ACLY: variants seen among roughly 807,000 people sequenced by gnomAD.
The protein encoded by ACLY is ATP-citrate synthase.
In ACLY, 41 loss-of-function variants were observed where a neutral mutation model predicts 133.0. That is an observed-to-expected ratio of 0.31 (90% CI 0.24 to 0.40). The LOEUF (loss-of-function observed/expected upper bound fraction) is 0.40. Among genes scored for constraint, ACLY ranks in the 10% least tolerant of loss-of-function variants. The probability of loss-of-function intolerance (pLI) is 1.00; values close to 1 mark genes in which losing one functional copy is unlikely to be tolerated. For synonymous variants in ACLY, 495 were observed against 549.3 expected, an observed-to-expected ratio of 0.90 and a Z score of 1.38; for missense variants, 1,046 against 1,453.8, an observed-to-expected ratio of 0.72 and a Z score of 4.56.
chr17:41,923,383 T>C (rs768962163), upstream of ACLY, among the ~76,000 whole-genome samples: 1 of 152,148 alleles, frequency 6.6e-6, no homozygotes, highest in Non-Finnish European at 1.5e-5. Context: ...CCAATTTTAG[T>C]TAATATTTAT....
intron 25 of ACLY, 42 bp downstream of exon 25, chr17:41,871,647 G>A (rs1471308755): frequency 8.1e-6 from 13 of 1,611,514 alleles, no homozygotes; most frequent in African/African-American, 4.0e-5. Flanking sequence ...GGGCCACCGC[G>A]CCTGGCCTCC....
At chr17:41,895,173 C>T (rs146040126) in intron 14 of ACLY, among the ~76,000 whole-genome samples, 22 of 152,282 alleles carry the variant, frequency 1.4e-4, no homozygotes, top group African/African-American at 5.3e-4. Context: ...CAGGATTACA[C>T]AATCACTTAA....
chr17:41,879,844 T>G (rs782404113), intron 20 of ACLY, among the ~76,000 whole-genome samples: 2 of 151,286 alleles, frequency 1.3e-5, no homozygotes, highest in Non-Finnish European at 2.9e-5. Flanking sequence ...TCCTCCCGTG[T>G]AGCTGGGACT....
chr17:41,907,395 C>T, intron 7 of ACLY, 47 bp downstream of exon 7: 1 of 1,579,722 alleles, frequency 6.3e-7, no homozygotes, highest in Non-Finnish European at 8.7e-7. Flanking sequence ...AGTCACCTCC[C>T]CACCGCCCTC....
chr17:41,895,029 C>T (rs1270784597), intron 14 of ACLY, among the ~76,000 whole-genome samples: 1 of 152,186 alleles, frequency 6.6e-6, no homozygotes, highest in South Asian at 2.1e-4. Context: ...ACCTAGACCC[C>T]CCGGGTTCTG....
intron 6 of ACLY, among the ~76,000 whole-genome samples, chr17:41,908,439 G>A (rs979751251): frequency 9.9e-5 from 15 of 152,244 alleles, no homozygotes; most frequent in African/African-American, 3.4e-4. Context: ...CTGACCTGGC[G>A]GGAGGAGCAG....
intron 14 of ACLY, among the ~76,000 whole-genome samples, chr17:41,894,495 G>C (rs1555630000): frequency 6.6e-6 from 1 of 151,028 alleles, no homozygotes; most frequent in African/African-American, 2.4e-5. Context: ...ACTGAGATGG[G>C]AGGATCACTT....
chr17:41,927,600 T>C (rs936200091), intron 1 of ACLY, among the ~76,000 whole-genome samples: 16 of 151,956 alleles, frequency 1.1e-4, no homozygotes, highest in Non-Finnish European at 1.8e-4. Context: ...CTAAGGTGGG[T>C]GGATTACCTG....
At chr17:41,869,020 AAG>A in intron 27 of ACLY, 21 bp downstream of exon 27, 1 of 1,586,760 alleles carries the variant, frequency 6.3e-7, no homozygotes, top group Non-Finnish European at 8.6e-7. Context: ...CGTAATGAAG[AAG>A]AAAACAGCTA....
chr17:41,877,463 A>T lies in ACLY; in HGVS notation c.2487+640T>A, dbSNP rs543108323. Among the ~76,000 whole-genome samples the T allele has an allele frequency of 4.5e-3, 538 of 118,782 alleles. 3 individuals are homozygous for T. Among genetic ancestry groups the T allele is most frequent in the African/African-American group, 0.014 (457 of 32,846 alleles). The allele number at this position is 118,782 out of a possible 152,430, so 77.9% of individuals were successfully genotyped here. ...CAGCCCTTTTTTTTTTTTTTTTTTTAAATTACAGACAGGGTCTCACTCTGT... is the reference window on the plus strand; with the variant it reads ...CAGCCCTTTTTTTTTTTTTTTTTTTTAATTACAGACAGGGTCTCACTCTGT... On this transcript the variant is annotated intron_variant, in intron 22 of 28. Coordinates refer to ENST00000352035, the MANE Select transcript of ACLY (RefSeq NM_001096.3).
chr17:41,894,587 T>C (rs1017462607), intron 14 of ACLY, among the ~76,000 whole-genome samples: 16 of 151,020 alleles, frequency 1.1e-4, no homozygotes, highest in African/African-American at 3.9e-4. Flanking sequence ...AAACCTTCCA[T>C]GATGCGATTA....
chr17:41,906,468 C>T, intron 8 of ACLY, 60 bp downstream of exon 8: 1 of 1,468,804 alleles, frequency 6.8e-7, no homozygotes, highest in South Asian at 1.1e-5. Flanking sequence ...ACCCAGGCTA[C>T]ACACATGTTG....
At chr17:41,883,293 C>G in intron 19 of ACLY, 61 bp from the exon 20 acceptor site, 2 of 1,436,796 alleles carry the variant, frequency 1.4e-6, no homozygotes, top group Non-Finnish European at 1.9e-6. Flanking sequence ...GACGTAAAAA[C>G]TGGATAGAAA....
At chr17:41,884,380 G>A in intron 18 of ACLY, 106 bp from the exon 19 acceptor site, 1 of 744,186 alleles carries the variant, frequency 1.3e-6, no homozygotes, top group Admixed American at 2.1e-5. Context: ...ATTTTGGGGG[G>A]ATGTGGATGG....
chr17:41,883,017 T>G, intron 20 of ACLY, 105 bp downstream of exon 20: 1 of 934,458 alleles, frequency 1.1e-6, no homozygotes, highest in East Asian at 2.6e-5. Flanking sequence ...AAACGTTTCT[T>G]GAAGGAACTA....
chr17:41,912,683 A>C, intron 2 of ACLY, 141 bp from the exon 3 acceptor site: 1 of 1,048,806 alleles, frequency 9.5e-7, no homozygotes, highest in Non-Finnish European at 1.4e-6. Context: ...TTCAGAGTCA[A>C]CTCCTGGATG....
At chr17:41,897,715 T>C (rs781871071) in intron 13 of ACLY, 34 bp downstream of exon 13, 1 of 1,591,794 alleles carries the variant, frequency 6.3e-7, no homozygotes, top group Non-Finnish European at 8.6e-7. Flanking sequence ...GCAAGGCCAC[T>C]CCCTGCAACA....
At position 41,898,652 on chromosome 17, in the gene ACLY, G is replaced by A. The variant is rs2049440156; in HGVS notation, c.1317C>T (p.Leu439=). 2.4e-5 allele frequency: 39 copies of A among 1,613,812 alleles called. No individual in the cohort carries two copies. Among genetic ancestry groups the A allele is most frequent in the Non-Finnish European group, 3.3e-5 (39 of 1,179,920 alleles). The part of the protein sequence containing the change: ...PTAAHTANFL[L]NASGSTSTPA... ...CTACCGATGTGCTCCCGCTGGCGTT[G>A]AGGAGGAAGTTTGCAGTGTGGGCCG... The change falls in exon 12 of 29, where the codon CTC becomes CTT. Residue 439 remains leucine, a synonymous_variant. Transcript: ENST00000352035.
At chr17:41,868,964 T>C in intron 27 of ACLY, 79 bp downstream of exon 27, 1 of 1,385,264 alleles carries the variant, frequency 7.2e-7, no homozygotes, top group African/African-American at 1.4e-5. Flanking sequence ...CTATTATGAG[T>C]ATGCATTACT....
Sources: gnomAD v4.1 joint callset for allele counts (sites outside exome capture counted in the v4.1 genomes callset) on GRCh38, gnomAD v4.1.1 for gene constraint, MANE v1.5 for transcripts, NCBI Gene and HGNC (gene_info 2026-07-23, HGNC 2026-07-21) for gene names.